Variants in NAA15 observed in about 807,000 individuals in gnomAD.
NAA15 encodes the protein N-alpha-acetyltransferase 15, NatA auxiliary subunit, also known as N-terminal acetyltransferase.
NAA15 carries 34 observed loss-of-function variants against 114.0 expected under a neutral mutation model. That is an observed-to-expected ratio of 0.30 (90% CI 0.23 to 0.40). The LOEUF (loss-of-function observed/expected upper bound fraction) is 0.40, where lower values mean the gene tolerates loss of function less well. Ranked by LOEUF, NAA15 falls within the 10% of genes least tolerant of loss-of-function variation. The pLI is 1.00. For synonymous variants in NAA15, 340 were observed against 338.0 expected, an observed-to-expected ratio of 1.01 and a Z score of -0.06; for missense variants, 658 against 1,004.5, an observed-to-expected ratio of 0.66 and a Z score of 4.66.
intron 14 of NAA15, among the ~76,000 whole-genome samples, chr4:139,369,080 T>C (rs972754068): frequency 6.6e-6 from 1 of 152,218 alleles, no homozygotes; most frequent in Non-Finnish European, 1.5e-5. Flanking sequence ...GGCATGCTGC[T>C]AGGCCCTGAA....
rs570460175 is a variant in NAA15 at position 139,359,061 on chromosome 4, T to G, written c.1258-682T>G. Among the ~76,000 whole-genome samples, 10 of 151,442 alleles carry G rather than the reference T, an allele frequency of 6.6e-5. No homozygotes were observed. The East Asian group carries it at 2.0e-3, about 30-fold the overall frequency. Reference sequence around the variant, plus strand: ...CGGAGGTTGCAGTGAGCCAAGATTGTGCCACTGTACTCTAGTCTGGGTGAC... The same window carrying G: ...CGGAGGTTGCAGTGAGCCAAGATTGGGCCACTGTACTCTAGTCTGGGTGAC... On this transcript the variant is annotated intron_variant, in intron 11 of 19. Transcript: ENST00000296543.
In NAA15 at chr4:139,391,371, A is replaced by T. The variant is rs1323598887; in HGVS notation, c.*3287A>T. The stretch of plus-strand genomic sequence containing the variant: ...AAATTTCAACCTGTAGCAATAAAAC[A>T]TTTTTGGAAAAGATTACTGAATTGC... On this transcript the variant is annotated 3_prime_UTR_variant, in exon 20 of 20. Coordinates refer to ENST00000296543, the MANE Select transcript of NAA15 (RefSeq NM_057175.5). 6.6e-6 allele frequency: 1 copy of T among 152,252 alleles called. No homozygotes were observed. 9.4% of individuals were successfully genotyped at this position (152,252 alleles called of 1,614,324 possible).
rs116111148 is a variant in NAA15 at position 139,342,334 on chromosome 4, A to C, written c.403-492A>C. ...TCTTAAGTTTTAAAAAAATTCTAAGATTAGCTTGGAGGCTTCATTATGTTC... is the reference window on the plus strand; with the variant it reads ...TCTTAAGTTTTAAAAAAATTCTAAGCTTAGCTTGGAGGCTTCATTATGTTC... On this transcript the variant is annotated intron_variant, in intron 4 of 19. Coordinates refer to ENST00000296543, the MANE Select transcript of NAA15 (RefSeq NM_057175.5). 5.3e-3 allele frequency among the ~76,000 whole-genome samples: 808 copies of C among 152,292 alleles called. 12 individuals are homozygous for C. Among genetic ancestry groups the C allele is most frequent in the African/African-American group, 0.019 (773 of 41,560 alleles).
intron 17 of NAA15, among the ~76,000 whole-genome samples, chr4:139,380,357 T>C (rs1748714823): frequency 6.6e-6 from 1 of 152,172 alleles, no homozygotes. Flanking sequence ...ATGGAGTATA[T>C]GTATTTTCAA....
intron 1 of NAA15, among the ~76,000 whole-genome samples, chr4:139,308,626 C>T (rs537263588): frequency 1.5e-4 from 23 of 152,140 alleles, no homozygotes; most frequent in Non-Finnish European, 3.1e-4. Flanking sequence ...GAGATGGAGT[C>T]TCACTTTTGT....
chr4:139,344,259 G>T lies in NAA15; in HGVS notation c.611G>T (p.Gly204Val). ...CAGAATCAAGTTCTTCGGGAAGCAG[G>T]TCTCTATAGAGAAGCTTTGGAACAT... is the stretch of plus-strand genomic sequence containing the variant. Reference protein sequence around the residue: ...LYQNQVLREAGLYREALEHLC... With the variant: ...LYQNQVLREAVLYREALEHLC... The change falls in exon 6 of 20, where the codon GGT becomes GTT. Residue 204 changes from glycine (G) to valine (V), a missense_variant. This residue lies in a region of NAA15 where 281 missense variants were observed against 389.1 expected (regional missense o/e 0.72). Transcript: ENST00000296543. The T allele has an allele frequency of 1.2e-6, 2 of 1,613,068 alleles. No individual in the cohort carries two copies. The highest frequency in any genetic ancestry group is 1.7e-6 in the Non-Finnish European group (2 of 1,179,350).
intron 1 of NAA15, among the ~76,000 whole-genome samples, chr4:139,318,047 T>G (rs1451787322): frequency 6.6e-6 from 1 of 152,238 alleles, no homozygotes; most frequent in African/African-American, 2.4e-5. Context: ...GGATGGTGAT[T>G]GTTGCACTCA....
intron 1 of NAA15, among the ~76,000 whole-genome samples, chr4:139,317,057 C>T (rs1746434052): frequency 6.6e-6 from 1 of 151,808 alleles, no homozygotes. Flanking sequence ...ATCAGATGTG[C>T]CAGTACTTTC....
chr4:139,320,756 G>A (rs1385564311), intron 1 of NAA15, among the ~76,000 whole-genome samples: 1 of 152,150 alleles, frequency 6.6e-6, no homozygotes, highest in Non-Finnish European at 1.5e-5. Context: ...CCTGACCTCA[G>A]GTGATCCGCC....
At chr4:139,363,395 A>G (rs1245012338) in intron 14 of NAA15, among the ~76,000 whole-genome samples, 1 of 152,192 alleles carries the variant, frequency 6.6e-6, no homozygotes, top group African/African-American at 2.4e-5. Context: ...ACTAGTTTCC[A>G]GAGTTCTATG....
chr4:139,385,552 A>G (rs1748889500), intron 18 of NAA15, among the ~76,000 whole-genome samples: 1 of 152,024 alleles, frequency 6.6e-6, no homozygotes, highest in Non-Finnish European at 1.5e-5. Context: ...TGTAGGTATC[A>G]GAGTTGACAG....
At chr4:139,379,506 ATCT>A (rs1053685250) in intron 17 of NAA15, among the ~76,000 whole-genome samples, 5 of 152,300 alleles carry the variant, frequency 3.3e-5, no homozygotes, top group Middle Eastern at 3.4e-3. Context: ...TAGAGCCCAC[ATCT>A]TCATATTGTT....
At chr4:139,366,605 T>TA (rs1438446720) in intron 14 of NAA15, among the ~76,000 whole-genome samples, 1 of 150,356 alleles carries the variant, frequency 6.7e-6, no homozygotes, top group Non-Finnish European at 1.5e-5. Context: ...ATTTTTGGGT[T>TA]TTTTTTTTTT....
At position 139,388,458 on chromosome 4, in the gene NAA15, T is replaced by A. The variant is rs1350340453; in HGVS notation, c.*374T>A. ...AAATTTGTCTTGTGAGATTTTACTA[T>A]ATCTCAGACAGCATAAATGCTGTTT... On this transcript the variant is annotated 3_prime_UTR_variant, in exon 20 of 20. Coordinates refer to ENST00000296543, the MANE Select transcript of NAA15 (RefSeq NM_057175.5). 5.8e-6 allele frequency: 1 copy of A among 173,340 alleles called. No individual in the cohort carries two copies. The highest frequency in any genetic ancestry group is 1.2e-5 in the Non-Finnish European group (1 of 80,598). 10.7% of individuals were successfully genotyped at this position (173,340 alleles called of 1,614,324 possible). A position where few individuals can be genotyped will look rare whatever the true frequency, so the allele number is the denominator to read the frequency against.
intron 18 of NAA15, among the ~76,000 whole-genome samples, chr4:139,385,300 A>ATATAAAATATAT (rs397699538): frequency 4.4e-5 from 4 of 90,176 alleles, no homozygotes; most frequent in South Asian, 3.2e-4. Flanking sequence ...ATATATATAT[A>ATATAAAATATAT]ATATATATTA....
intron 1 of NAA15, among the ~76,000 whole-genome samples, chr4:139,308,510 A>G (rs1381639873): frequency 1.3e-5 from 2 of 152,248 alleles, no homozygotes; most frequent in East Asian, 3.8e-4. Context: ...CTTGTACTTC[A>G]TATATTTAGA....
At chr4:139,346,638 C>T (rs976871182) in intron 6 of NAA15, among the ~76,000 whole-genome samples, 2 of 152,028 alleles carry the variant, frequency 1.3e-5, no homozygotes, top group Non-Finnish European at 2.9e-5. Flanking sequence ...GCAACCTCCA[C>T]CTCCCGGGTT....
In NAA15 at chr4:139,355,629, C is replaced by T. The variant is rs548797795; in HGVS notation, c.1087+1531C>T. 4.6e-4 allele frequency among the ~76,000 whole-genome samples: 70 copies of T among 151,838 alleles called. No individual in the cohort carries two copies. The South Asian group carries it at 0.014, about 30-fold the overall frequency. On this transcript the variant is annotated intron_variant, in intron 10 of 19. Coordinates refer to ENST00000296543, the MANE Select transcript of NAA15 (RefSeq NM_057175.5). The stretch of plus-strand genomic sequence containing the variant: ...CAGTAGCCACATTTTAAGTGCTGCT[C>T]AATAGCTATATATAGCTAATGCCTA...
At chr4:139,379,156 T>C (rs1748672429) in intron 17 of NAA15, 1 of 202,498 alleles carries the variant, frequency 4.9e-6, no homozygotes, top group Non-Finnish European at 9.8e-6. Flanking sequence ...TAAAACTTCT[T>C]AGTAAATTGT....
Sources: allele counts gnomAD v4.1 joint callset (sites outside exome capture counted in the v4.1 genomes callset), GRCh38; gene constraint gnomAD v4.1.1; regional missense constraint gnomAD v4.1.1; transcripts MANE v1.5; gene names NCBI Gene and HGNC (gene_info 2026-07-23, HGNC 2026-07-21).